NBEAL1: variants seen among roughly 807,000 people sequenced by gnomAD.
NBEAL1 encodes the protein neurobeachin like 1, also known as neurobeachin-like protein 1.
NBEAL1 carries 273 observed loss-of-function variants against 351.3 expected under a neutral mutation model. That is an observed-to-expected ratio of 0.78 (90% CI 0.70 to 0.86). The LOEUF is 0.86. Among genes scored for constraint, NBEAL1 ranks in the 40% least tolerant of loss-of-function variants. The pLI is 0.00. For synonymous variants in NBEAL1, 1,050 were observed against 1,086.4 expected (o/e 0.97, Z 0.66); for missense variants, 2,961 against 3,201.3 (o/e 0.92, Z 1.81).
At chr2:203,024,719 GT>G (rs2060827285) in intron 2 of NBEAL1, among the ~76,000 whole-genome samples, 1 of 151,986 alleles carries the variant, frequency 6.6e-6, no homozygotes. Flanking sequence ...AAAATTAGCT[GT>G]GTATGGTGGT....
At chr2:203,128,599 T>TTG (rs2063000926) in intron 24 of NBEAL1, among the ~76,000 whole-genome samples, 1 of 43,758 alleles carries the variant, frequency 2.3e-5, no homozygotes, top group Non-Finnish European at 6.2e-5. Context: ...GTAGATTTCT[T>TTG]TCTTTTTTTT....
At chr2:203,040,386 CA>C in intron 2 of NBEAL1, 1 of 713,700 alleles carries the variant, frequency 1.4e-6, no homozygotes, top group Admixed American at 2.0e-5. Context: ...TTGTACACAT[CA>C]AAAGGATTAA....
intron 2 of NBEAL1, among the ~76,000 whole-genome samples, chr2:203,028,763 A>T: frequency 6.6e-6 from 1 of 152,068 alleles, no homozygotes; most frequent in Middle Eastern, 3.2e-3. Context: ...CTGTATGCAC[A>T]TGTCCCTTGA....
Position 203,099,596 on chromosome 2 carries a change from G to A in NBEAL1, c.1186-33G>A, listed in dbSNP as rs575293597. On this transcript the variant is annotated intron_variant, in intron 11 of 55. Coordinates refer to ENST00000683969, the MANE Select transcript of NBEAL1 (RefSeq NM_001378026.1). ...CTCAATAAAAATCGTGAGCACATTT[G>A]TTAATTTCTTGTTTCCCCTTCCCCC... 5.4e-5 allele frequency: 75 copies of A among 1,397,886 alleles called. No individual in the cohort carries two copies. The African/African-American group carries it at 9.0e-4, about 17-fold the overall frequency. 86.6% of individuals were successfully genotyped at this position (1,397,886 alleles called of 1,614,324 possible). A position where few individuals can be genotyped will look rare whatever the true frequency, so the allele number is the denominator to read the frequency against.
At chr2:203,210,210 A>C (rs1348276168) in intron 53 of NBEAL1, among the ~76,000 whole-genome samples, 4 of 151,716 alleles carry the variant, frequency 2.6e-5, no homozygotes, top group Non-Finnish European at 5.9e-5. Context: ...TAAAAATACA[A>C]AAATTAGCCG....
chr2:203,191,675 A>G (rs1053866567), intron 46 of NBEAL1, among the ~76,000 whole-genome samples: 3 of 152,214 alleles, frequency 2.0e-5, no homozygotes, highest in Admixed American at 2.0e-4. Flanking sequence ...CACAGAAGGT[A>G]ATACCTAGCC....
intron 27 of NBEAL1, among the ~76,000 whole-genome samples, 185 bp from the exon 28 acceptor site, chr2:203,135,492 G>A (rs749310396): frequency 6.6e-6 from 1 of 152,134 alleles, no homozygotes; most frequent in Non-Finnish European, 1.5e-5. Context: ...ATGGAGATTA[G>A]TTGGAAACAC....
chr2:203,055,572 T>G (rs2061389913), intron 4 of NBEAL1, among the ~76,000 whole-genome samples: 1 of 151,826 alleles, frequency 6.6e-6, no homozygotes. Context: ...ACCACTGCAC[T>G]CTAGTCTGGG....
chr2:203,045,270 A>G (rs2061208161), intron 3 of NBEAL1, among the ~76,000 whole-genome samples: 1 of 152,188 alleles, frequency 6.6e-6, no homozygotes, highest in Non-Finnish European at 1.5e-5. Flanking sequence ...TGGAAAATTG[A>G]ATGTTTTCTT....
intron 6 of NBEAL1, 138 bp from the exon 7 acceptor site, chr2:203,068,255 A>G (rs1001549666): frequency 4.5e-6 from 2 of 442,372 alleles, no homozygotes; most frequent in Non-Finnish European, 8.0e-6. Flanking sequence ...CCTTTTCAAG[A>G]TTATGCGGAT....
chr2:203,088,567 A>T (rs1264296807), intron 10 of NBEAL1, among the ~76,000 whole-genome samples: 1 of 152,198 alleles, frequency 6.6e-6, no homozygotes, highest in African/African-American at 2.4e-5. Context: ...AGCAGTAAAC[A>T]TGGAGTTATA....
chr2:203,133,570 C>T (rs553882723), intron 27 of NBEAL1, among the ~76,000 whole-genome samples: 1 of 151,858 alleles, frequency 6.6e-6, no homozygotes, highest in Non-Finnish European at 1.5e-5. Flanking sequence ...TTAACTAAGT[C>T]AAGAGATAGT....
chr2:203,210,969 A>G lies in NBEAL1; in HGVS notation c.7797A>G (p.Ala2599=), dbSNP rs781499694. The G allele has an allele frequency of 3.2e-6, 5 of 1,579,902 alleles. No individual in the cohort carries two copies. The South Asian group carries it at 4.8e-5, about 15-fold the overall frequency. Residue 2599 remains alanine, a synonymous_variant, in exon 54 of 56, where the codon GCA becomes GCG. Transcript: ENST00000683969. Reference sequence around the variant, plus strand: ...TTAATTCTTTTCAGGATAAGAATGCATTACATCTGTTTTCTATAAATGGCA... The same window carrying G: ...TTAATTCTTTTCAGGATAAGAATGCGTTACATCTGTTTTCTATAAATGGCA... The part of the protein sequence containing the change: ...EEKTTLKDKN[A]LHLFSINGKY...
intron 10 of NBEAL1, among the ~76,000 whole-genome samples, chr2:203,095,618 C>T (rs562831483): frequency 1.6e-4 from 25 of 152,038 alleles, no homozygotes; most frequent in Non-Finnish European, 2.8e-4. Context: ...ATTCTTCTTA[C>T]GGATTGCTAT....
chr2:203,216,544 CA>C (rs1263331253), intron 55 of NBEAL1, among the ~76,000 whole-genome samples: 9 of 151,898 alleles, frequency 5.9e-5, no homozygotes, highest in Non-Finnish European at 1.3e-4. Context: ...AGGACTTCAC[CA>C]GCCTGGGCAA....
chr2:203,143,314 A>G (rs1035899293), intron 31 of NBEAL1, among the ~76,000 whole-genome samples: 1 of 147,630 alleles, frequency 6.8e-6, no homozygotes, highest in Non-Finnish European at 1.5e-5. Context: ...TGCCCTGACT[A>G]TGTATATTAC....
At chr2:203,076,894 G>A (rs984609222) in intron 7 of NBEAL1, among the ~76,000 whole-genome samples, 11 of 151,862 alleles carry the variant, frequency 7.2e-5, no homozygotes, top group African/African-American at 2.7e-4. Context: ...GCCCAGCCTA[G>A]ATGTCTCTTT....
intron 35 of NBEAL1, among the ~76,000 whole-genome samples, chr2:203,154,453 A>G (rs1306651990): frequency 6.6e-6 from 1 of 152,168 alleles, no homozygotes; most frequent in Non-Finnish European, 1.5e-5. Flanking sequence ...ATTTCCGTTA[A>G]CTGCCAGAAT....
At chr2:203,093,960 T>G (rs1238350132) in intron 10 of NBEAL1, among the ~76,000 whole-genome samples, 1 of 152,166 alleles carries the variant, frequency 6.6e-6, no homozygotes, top group Non-Finnish European at 1.5e-5. Context: ...CAGAATTACT[T>G]TAGATTTATC....
Sources: allele counts gnomAD v4.1 joint callset (sites outside exome capture counted in the v4.1 genomes callset), GRCh38; gene constraint gnomAD v4.1.1; transcripts MANE v1.5; gene names NCBI Gene and HGNC (gene_info 2026-07-23, HGNC 2026-07-21).